SOX5: variants seen among roughly 807,000 people sequenced by gnomAD.
SOX5 encodes transcription factor SOX-5.
A neutral mutation model predicts 92.0 loss-of-function variants in SOX5; 9 were observed. The ratio of observed to expected loss-of-function variants is 0.10; its 90% CI spans 0.06 to 0.17. SOX5 has a LOEUF of 0.17. SOX5 is among the 10% of genes least tolerant of loss of function. SOX5 has a pLI of 1.00. For missense variants in SOX5, 642 were observed against 944.5 expected, an observed-to-expected ratio of 0.68 and a Z score of 4.20; for synonymous variants, 344 against 336.3, an observed-to-expected ratio of 1.02 and a Z score of -0.25.
chr12:24,512,240 G>T (rs1949390850), intron 1 of SOX5, among the ~76,000 whole-genome samples: 1 of 152,132 alleles, frequency 6.6e-6, no homozygotes, highest in Admixed American at 6.5e-5. Flanking sequence ...TCTTACATTT[G>T]CCCAATTTAA....
chr12:23,640,601 A>C (rs567808807), intron 8 of SOX5, among the ~76,000 whole-genome samples: 2 of 152,222 alleles, frequency 1.3e-5, no homozygotes, highest in Non-Finnish European at 2.9e-5. Flanking sequence ...CAAGAAAAGA[A>C]ATACGATAAG....
intron 6 of SOX5, among the ~76,000 whole-genome samples, chr12:23,695,940 C>CAAAAAAAAAAAAAAA (rs71059917): frequency 2.5e-4 from 3 of 11,908 alleles, no homozygotes; most frequent in African/African-American, 5.4e-4. Context: ...GACTCTGTCT[C>CAAAAAAAAAAAAAAA]AAAAAAAAAA....
intron 4 of SOX5, among the ~76,000 whole-genome samples, chr12:24,187,212 G>A (rs1185003384): frequency 1.3e-5 from 2 of 152,168 alleles, no homozygotes; most frequent in African/African-American, 4.8e-5. Flanking sequence ...GAAGAAAGAT[G>A]TAATAGTGTC....
chr12:24,378,605 G>A (rs1596080061), intron 1 of SOX5, among the ~76,000 whole-genome samples: 2 of 152,028 alleles, frequency 1.3e-5, no homozygotes, highest in South Asian at 2.1e-4. Flanking sequence ...ATCTCCTTCC[G>A]CTTGACTCCT....
rs774409805 is a variant in SOX5, at chr12:23,584,536, T to G, written c.1165-8698A>C. ...AATTACATCAAAGAGTCATTCCCAG[T>G]GCTCACATACATGCATGCACAGCTC... On this transcript the variant is annotated intron_variant, in intron 9 of 14. Transcript: ENST00000451604. 8 of 1,585,084 alleles carry G rather than the reference T, an allele frequency of 5.0e-6. No homozygotes were observed. The South Asian group carries it at 8.8e-5, about 18-fold the overall frequency.
intron 3 of SOX5, among the ~76,000 whole-genome samples, chr12:23,771,318 G>T (rs2141545032): frequency 6.6e-6 from 1 of 152,144 alleles, no homozygotes; most frequent in East Asian, 1.9e-4. Flanking sequence ...GCAAAGGAGG[G>T]GAGTACCAGC....
At chr12:24,245,825 G>A (rs1006374731) in intron 3 of SOX5, among the ~76,000 whole-genome samples, 1 of 152,168 alleles carries the variant, frequency 6.6e-6, no homozygotes, top group Non-Finnish European at 1.5e-5. Flanking sequence ...CTGTGTGAAT[G>A]CAGAACTCAA....
At chr12:23,928,474 G>A (rs1277177927) in intron 1 of SOX5, among the ~76,000 whole-genome samples, 1 of 151,838 alleles carries the variant, frequency 6.6e-6, no homozygotes, top group East Asian at 1.9e-4. Flanking sequence ...ATCATTAGAC[G>A]TATGAATTTC....
intron 9 of SOX5, among the ~76,000 whole-genome samples, chr12:23,594,988 C>T (rs759630447): frequency 6.6e-6 from 1 of 152,086 alleles, no homozygotes; most frequent in Non-Finnish European, 1.5e-5. Flanking sequence ...TATCTTTGAC[C>T]ATGTTTTATT....
chr12:23,737,248 T>C (rs1216114361), intron 5 of SOX5, among the ~76,000 whole-genome samples: 2 of 152,124 alleles, frequency 1.3e-5, no homozygotes, highest in Non-Finnish European at 2.9e-5. Flanking sequence ...TCCCTATAGT[T>C]GATCACAGAC....
In SOX5 at chr12:24,263,531, AAAAAAAAAAC is replaced by A. The variant is rs1417806319; in HGVS notation, c.-77+13675_-77+13684del. Among the ~76,000 whole-genome samples, 281 of 142,762 alleles carry A rather than the reference AAAAAAAAAAC, an allele frequency of 2.0e-3. 7 individuals carry two copies. The highest frequency in any genetic ancestry group is 6.8e-3 in the African/African-American group (259 of 37,832). 93.7% of individuals were successfully genotyped at this position (142,762 alleles called of 152,430 possible). On this transcript the variant is annotated intron_variant, in intron 3 of 4. Coordinates refer to the SOX5 transcript ENST00000446891. ...CGACAGAGCGAGACTCCGTCTCAAA[AAAAAAAAAAC>A]AAAAAAAAAAACAAAAACAAGAAAT... is the stretch of plus-strand genomic sequence containing the variant.
chr12:24,073,257 T>C (rs923941576), intron 4 of SOX5, among the ~76,000 whole-genome samples: 1 of 152,198 alleles, frequency 6.6e-6, no homozygotes, highest in African/African-American at 2.4e-5. Flanking sequence ...CTGGATCCTA[T>C]AGCATATGAG....
intron 10 of SOX5, among the ~76,000 whole-genome samples, chr12:23,564,430 C>G (rs1048913234): frequency 4.6e-5 from 7 of 152,072 alleles, no homozygotes; most frequent in African/African-American, 1.7e-4. Flanking sequence ...CGAAACTGCC[C>G]AGAAAAGGGA....
intron 9 of SOX5, among the ~76,000 whole-genome samples, chr12:23,591,175 T>TA (rs1485566025): frequency 2.0e-5 from 3 of 152,016 alleles, no homozygotes; most frequent in East Asian, 1.9e-4. Context: ...TTACTGCAGT[T>TA]AAAAAAATCC....
intron 3 of SOX5, among the ~76,000 whole-genome samples, chr12:24,235,455 AAC>A (rs1387828229): frequency 1.3e-5 from 2 of 152,214 alleles, no homozygotes; most frequent in East Asian, 3.8e-4. Context: ...AGAACCAACT[AAC>A]AAATGAAAAC....
intron 3 of SOX5, among the ~76,000 whole-genome samples, chr12:24,247,774 T>A (rs577115836): frequency 6.6e-6 from 1 of 151,090 alleles, no homozygotes; most frequent in Admixed American, 6.6e-5. Flanking sequence ...CCTCAGCCTC[T>A]GGAGTAGCTG....
chr12:24,140,002 GGTTT>G (rs369799082), intron 4 of SOX5, among the ~76,000 whole-genome samples: 32 of 152,088 alleles, frequency 2.1e-4, no homozygotes, highest in East Asian at 7.7e-4. Context: ...CACTTATCAG[GGTTT>G]GTTTGTTTGT....
In SOX5 at chr12:24,375,638, G is replaced by A. The variant is rs1239817979; in HGVS notation, c.-250-6999C>T. ...GTAACCTCAGCTACTTGGCAGGCTG[G>A]GGCAGGAGAATCGCTTGAACCCAGG... On this transcript the variant is annotated intron_variant, in intron 1 of 4. Transcript: ENST00000446891. Among the ~76,000 whole-genome samples the A allele has an allele frequency of 2.0e-5, 3 of 151,532 alleles. No homozygotes were observed. In the East Asian group the frequency reaches 5.9e-4, roughly 30 times the overall value.
chr12:24,024,167 A>G (rs1255862493), intron 4 of SOX5, among the ~76,000 whole-genome samples: 1 of 152,076 alleles, frequency 6.6e-6, no homozygotes, highest in Non-Finnish European at 1.5e-5. Flanking sequence ...GAAGTAAATT[A>G]TTGCCTCAGT....
Sources: allele counts gnomAD v4.1 joint callset (sites outside exome capture counted in the v4.1 genomes callset), GRCh38; gene constraint gnomAD v4.1.1; transcripts MANE v1.5; gene names NCBI Gene and HGNC (gene_info 2026-07-23, HGNC 2026-07-21).